DVL3: variants seen among roughly 807,000 people sequenced by gnomAD.
The protein encoded by DVL3 is segment polarity protein dishevelled homolog DVL-3.
Under a neutral mutation model 67.4 loss-of-function variants are expected in DVL3, and 27 were observed. The observed-to-expected ratio is 0.40, with a 90% CI of 0.30 to 0.55. The LOEUF (loss-of-function observed/expected upper bound fraction) is 0.55, where lower values mean the gene tolerates loss of function less well. Among genes scored for constraint, DVL3 ranks in the 20% least tolerant of loss-of-function variants. The pLI is 0.46. For synonymous variants in DVL3, 369 were observed against 396.8 expected, an observed-to-expected ratio of 0.93 and a Z score of 0.83; for missense variants, 819 against 1,021.5, an observed-to-expected ratio of 0.80 and a Z score of 2.70.
chr3:184,172,695 A>C lies in DVL3; in HGVS notation c.*1940A>C, dbSNP rs139586936. On this transcript the variant is annotated 3_prime_UTR_variant, in exon 15 of 15. Coordinates refer to ENST00000313143, the MANE Select transcript of DVL3 (RefSeq NM_004423.4). Reference sequence around the variant, plus strand: ...GGAGGTTGCAGTGAGTTGAGATCGCACTCCAGCCTGGGTGACAGAGTGAGA... The same window carrying C: ...GGAGGTTGCAGTGAGTTGAGATCGCCCTCCAGCCTGGGTGACAGAGTGAGA... 3.2e-4 allele frequency: 49 copies of C among 152,268 alleles called. No homozygotes were observed. Among genetic ancestry groups the C allele is most frequent in the African/African-American group, 9.6e-4 (40 of 41,554 alleles). 9.4% of individuals were successfully genotyped at this position (152,268 alleles called of 1,614,324 possible).
Position 184,155,587 on chromosome 3 carries a change from G to A in DVL3, c.-49G>A. ...CGCCGCCGTCTGGGAGGCTCGGCCC[G>A]GCCGCCCGAGCAGGCCGCGCGCGGG... On this transcript the variant is annotated 5_prime_UTR_variant, in exon 1 of 15. Transcript: ENST00000313143. The surrounding 1 kb of genome is among the most constrained non-coding windows in gnomAD (Gnocchi z 5.4). 1.7e-5 allele frequency: 18 copies of A among 1,089,846 alleles called. No homozygotes were observed. Among genetic ancestry groups the A allele is most frequent in the African/African-American group, 3.3e-5 (2 of 59,720 alleles). The allele number at this position is 1,089,846 out of a possible 1,614,324, so 67.5% of individuals were successfully genotyped here. A position where few individuals can be genotyped will look rare whatever the true frequency, so the allele number is the denominator to read the frequency against.
chr3:184,165,987 G>A lies in DVL3; in HGVS notation c.764-139G>A, dbSNP rs1292457083. Reference sequence around the variant, plus strand: ...GCCAGCAAGGGTTCCATGGAAGCATGTTTGAGCATGCTGAGTGCAGTGCCT... The same window carrying A: ...GCCAGCAAGGGTTCCATGGAAGCATATTTGAGCATGCTGAGTGCAGTGCCT... On this transcript the variant is annotated intron_variant, in intron 7 of 14. Transcript: ENST00000313143. The surrounding 1 kb of genome is among the most constrained non-coding windows in gnomAD (Gnocchi z 4.1). 6.7e-6 allele frequency: 7 copies of A among 1,049,054 alleles called. 1 individual carries two copies. In the Admixed American group the frequency reaches 1.4e-4, roughly 20 times the overall value. 65.0% of individuals were successfully genotyped at this position (1,049,054 alleles called of 1,614,324 possible). A position where few individuals can be genotyped will look rare whatever the true frequency, so the allele number is the denominator to read the frequency against.
In DVL3 at chr3:184,169,148, G is replaced by T. The variant is rs1428425547; in HGVS notation, c.1499-858G>T. ...AGTGGGTATTTAGTTCTAGGTGAAG[G>T]GGTGGGTAACACTTTACCTAAATTT... On this transcript the variant is annotated intron_variant, in intron 13 of 14. Transcript: ENST00000313143. Among the ~76,000 whole-genome samples, 5 of 152,304 alleles carry T rather than the reference G, an allele frequency of 3.3e-5. No individual in the cohort carries two copies. In the East Asian group the frequency reaches 9.6e-4, roughly 29 times the overall value.
chr3:184,166,962 C>T lies in DVL3; in HGVS notation c.1185C>T (p.Ile395=). ...CCAGCTCCTCCATCACCAGTTCCAT[C>T]CCTGACACAGAGCGTGAGTGTCCCA... The part of the protein sequence containing the change: ...TSTSSSITSS[I]PDTERLDDFH... Residue 395 remains isoleucine, a synonymous_variant, in exon 11 of 15, where the codon ATC becomes ATT. Transcript: ENST00000313143. This position sits in a 1 kb window ranked among gnomAD's most constrained non-coding sequence, Gnocchi z 6.7. The T allele has an allele frequency of 6.2e-7, 1 of 1,614,082 alleles. No homozygotes were observed. Among genetic ancestry groups the T allele is most frequent in the Non-Finnish European group, 8.5e-7 (1 of 1,179,982 alleles).
At chr3:184,169,906 C>A in intron 13 of DVL3, 100 bp from the exon 14 acceptor site, 1 of 1,136,006 alleles carries the variant, frequency 8.8e-7, no homozygotes, top group Non-Finnish European at 1.2e-6. Context: ...CTCATTCTAG[C>A]CAGAAACTAC....
chr3:184,168,015 A>G lies in DVL3; in HGVS notation c.1448A>G (p.Lys483Arg). 6.2e-7 allele frequency: 1 copy of G among 1,614,272 alleles called. No individual in the cohort carries two copies. Among genetic ancestry groups the G allele is most frequent in the South Asian group, 1.1e-5 (1 of 91,092 alleles). ...GGCTTCATCCGCCATACCGTCAACA[A>G]GATCACCTTCTCCGAGCAGTGCTAC... ...KAGFIRHTVN[K>R]ITFSEQCYYI... Residue 483 changes from lysine (K) to arginine (R), a missense_variant, in exon 13 of 15, where the codon AAG becomes AGG. This residue lies in a region of DVL3 where 110 missense variants were observed against 203.4 expected (regional missense o/e 0.54). Transcript: ENST00000313143.
rs1714637677 is a variant in DVL3, at chr3:184,167,452, G to A, written c.1199-128G>A. On this transcript the variant is annotated intron_variant, in intron 11 of 14. Coordinates refer to ENST00000313143, the MANE Select transcript of DVL3 (RefSeq NM_004423.4). This position sits in a 1 kb window ranked among gnomAD's most constrained non-coding sequence, Gnocchi z 4.6. ...TTTTTTACAGAAGGGGAAACTGAGT[G>A]TCCAAGAAATCAGTAATTTTCCCAG... is the stretch of plus-strand genomic sequence containing the variant. The A allele has an allele frequency of 8.0e-6, 7 of 871,434 alleles. No homozygotes were observed. Among genetic ancestry groups the A allele is most frequent in the Middle Eastern group, 2.2e-4 (1 of 4,504 alleles). The allele number at this position is 871,434 out of a possible 1,614,324, so 54.0% of individuals were successfully genotyped here.
At chr3:184,161,745 A>G (rs367702812) in intron 1 of DVL3, among the ~76,000 whole-genome samples, 201 of 151,710 alleles carry the variant, frequency 1.3e-3, no homozygotes, top group African/African-American at 4.0e-3. Context: ...ATAGACCCAC[A>G]TTACCTCTGT....
intron 1 of DVL3, chr3:184,156,544 A>C (rs1425955540): frequency 2.7e-5 from 12 of 449,992 alleles, no homozygotes; most frequent in Non-Finnish European, 8.9e-6. Context: ...GATAGCCAGG[A>C]AGAGTTTCTT....
chr3:184,156,889 G>A (rs1714214781), intron 1 of DVL3: 1 of 171,992 alleles, frequency 5.8e-6, no homozygotes, highest in Non-Finnish European at 1.3e-5. Flanking sequence ...GCTCTTTGGA[G>A]CTGAGGCCCC....
chr3:184,155,935 G>A lies in DVL3; in HGVS notation c.161+139G>A, dbSNP rs976949089. 3 of 1,091,812 alleles carry A rather than the reference G, an allele frequency of 2.7e-6. No homozygotes were observed. Among genetic ancestry groups the A allele is most frequent in the Non-Finnish European group, 2.6e-6 (2 of 778,060 alleles). 67.6% of individuals were successfully genotyped at this position (1,091,812 alleles called of 1,614,324 possible). A position where few individuals can be genotyped will look rare whatever the true frequency, so the allele number is the denominator to read the frequency against. On this transcript the variant is annotated intron_variant, in intron 1 of 14. Transcript: ENST00000313143. This position sits in a 1 kb window ranked among gnomAD's most constrained non-coding sequence, Gnocchi z 5.4. ...TCTAGGGGCGACTCGGCCCATTTGG[G>A]CCCCTTTGGTTCCAGCCCCAGTAGC...
chr3:184,158,726 A>G (rs565028482), intron 1 of DVL3, among the ~76,000 whole-genome samples: 2 of 151,950 alleles, frequency 1.3e-5, no homozygotes, highest in African/African-American at 4.8e-5. Flanking sequence ...TCTGGTCTAC[A>G]AAAGTATTTG....
intron 1 of DVL3, among the ~76,000 whole-genome samples, chr3:184,157,531 C>G (rs143268773): frequency 1.4e-3 from 214 of 152,336 alleles, no homozygotes; most frequent in African/African-American, 5.1e-3. Context: ...CCCATTACAT[C>G]CAGTCACTGT....
Position 184,164,243 on chromosome 3 carries a change from AC to A in DVL3, c.232-23del. Reference sequence around the variant, plus strand: ...CTCCTTGATGCTCCTGTAACATACTACTCACTCAGTTTCTCCCTTTCAGCTG... The same window carrying A: ...CTCCTTGATGCTCCTGTAACATACTATCACTCAGTTTCTCCCTTTCAGCTG... On this transcript the variant is annotated intron_variant, in intron 2 of 14. Coordinates refer to ENST00000313143, the MANE Select transcript of DVL3 (RefSeq NM_004423.4). The surrounding 1 kb of genome is among the most constrained non-coding windows in gnomAD (Gnocchi z 5.3). 6.2e-7 allele frequency: 1 copy of A among 1,611,396 alleles called. No homozygotes were observed. Among genetic ancestry groups the A allele is most frequent in the South Asian group, 1.1e-5 (1 of 90,836 alleles).
rs1714142184 is a variant in DVL3, at chr3:184,155,512, G to A, written c.-124G>A. ...GCGGCCGGAGAACAAGGGAGCTGGC[G>A]CCGCCAGCAGCCGCCGAGCTGGGTT... On this transcript the variant is annotated 5_prime_UTR_variant, in exon 1 of 15. Coordinates refer to ENST00000313143, the MANE Select transcript of DVL3 (RefSeq NM_004423.4). This position sits in a 1 kb window ranked among gnomAD's most constrained non-coding sequence, Gnocchi z 5.4. 1 of 512,710 alleles carries A rather than the reference G, an allele frequency of 2.0e-6. No individual in the cohort carries two copies. 31.8% of individuals were successfully genotyped at this position (512,710 alleles called of 1,614,324 possible).
At position 184,170,328 on chromosome 3, in the gene DVL3, G is replaced by A. The variant is rs775625984; in HGVS notation, c.1724G>A (p.Ser575Asn). The A allele has an allele frequency of 3.7e-6, 6 of 1,602,018 alleles. No individual in the cohort carries two copies. The highest frequency in any genetic ancestry group is 5.1e-6 in the Non-Finnish European group (6 of 1,174,574). Reference sequence around the variant, plus strand: ...TGTTTGCCTCCTACAGGCAGTCGGAGCAGTGGCTCCAACCGTAGCGGCAGC... The same window carrying A: ...TGTTTGCCTCCTACAGGCAGTCGGAACAGTGGCTCCAACCGTAGCGGCAGC... Reference protein sequence around the residue: ...ASSQHSEGSRSSGSNRSGSDR... With the variant: ...ASSQHSEGSRNSGSNRSGSDR... Residue 575 changes from serine (S) to asparagine (N), a missense_variant, in exon 15 of 15, where the codon AGC (serine) becomes AAC (asparagine). Ser to Asn is a conservative substitution (Grantham distance 46, BLOSUM62 1). This residue lies in a region of DVL3 where 324 missense variants were observed against 331.3 expected (regional missense o/e 0.98). Coordinates refer to ENST00000313143, the MANE Select transcript of DVL3 (RefSeq NM_004423.4). The surrounding 1 kb of genome is among the most constrained non-coding windows in gnomAD (Gnocchi z 6.5).
In DVL3 at chr3:184,164,552, G is replaced by A; in HGVS notation, c.414G>A (p.Leu138=). The A allele has an allele frequency of 1.3e-6, 2 of 1,577,278 alleles. No individual in the cohort carries two copies. Among genetic ancestry groups the A allele is most frequent in the Non-Finnish European group, 1.7e-6 (2 of 1,161,950 alleles). ...ACAATGACACAGAGACGGACTCTTT[G>A]GTGTCTGCCCAGCGAGAGCGGCCAC... is the stretch of plus-strand genomic sequence containing the variant. The part of the protein sequence containing the change: ...NLDNDTETDS[L]VSAQRERPRR... The change falls in exon 4 of 15, where the codon TTG becomes TTA. Residue 138 remains leucine (L), a synonymous_variant. Coordinates refer to ENST00000313143, the MANE Select transcript of DVL3 (RefSeq NM_004423.4). This position sits in a 1 kb window ranked among gnomAD's most constrained non-coding sequence, Gnocchi z 5.3.
chr3:184,171,195 G>C lies in DVL3; in HGVS notation c.*440G>C. On this transcript the variant is annotated 3_prime_UTR_variant, in exon 15 of 15. Transcript: ENST00000313143. ...TCCCTCTATTAACCCCACCCCATCA[G>C]GCACGTGTGCAAACCTCTTGACTTT... 1.8e-6 allele frequency: 2 copies of C among 1,113,954 alleles called. No individual in the cohort carries two copies. Among genetic ancestry groups the C allele is most frequent in the Non-Finnish European group, 2.2e-6 (2 of 906,378 alleles). 69.0% of individuals were successfully genotyped at this position (1,113,954 alleles called of 1,614,324 possible). A position where few individuals can be genotyped will look rare whatever the true frequency, so the allele number is the denominator to read the frequency against.
intron 1 of DVL3, among the ~76,000 whole-genome samples, chr3:184,158,746 G>C (rs1714281079): frequency 6.6e-6 from 1 of 151,896 alleles, no homozygotes; most frequent in Non-Finnish European, 1.5e-5. Context: ...GTCAAGCTCA[G>C]GGTAGGCCCA....
Sources: gnomAD v4.1 joint callset for allele counts (sites outside exome capture counted in the v4.1 genomes callset) on GRCh38, gnomAD v4.1.1 for gene constraint, gnomAD v4.1.1 regional missense constraint, Gnocchi (gnomAD v3.1) non-coding constraint, MANE v1.5 for transcripts, NCBI Gene and HGNC (gene_info 2026-07-23, HGNC 2026-07-21) for gene names.